Variants in ABCC11 observed in about 807,000 individuals in gnomAD.
The protein encoded by ABCC11 is ATP-binding cassette sub-family C member 11.
In ABCC11, 135 loss-of-function variants were observed where a neutral mutation model predicts 149.3. The observed-to-expected ratio is 0.90, with a 90% CI of 0.79 to 1.04. The LOEUF is 1.04. Ranked by LOEUF, ABCC11 falls within the 50% of genes least tolerant of loss-of-function variation. The pLI is 0.00. For synonymous variants in ABCC11, 665 were observed against 671.4 expected, an observed-to-expected ratio of 0.99 and a Z score of 0.15; for missense variants, 1,680 against 1,722.1, an observed-to-expected ratio of 0.98 and a Z score of 0.43.
At chr16:48,234,343 T>C (rs1164176961) in intron 1 of ABCC11, among the ~76,000 whole-genome samples, 2 of 152,248 alleles carry the variant, frequency 1.3e-5, no homozygotes, top group African/African-American at 4.8e-5. Flanking sequence ...TTGTTTTTGA[T>C]GTAATTTATT....
Position 48,187,324 on chromosome 16 carries a change from A to G in ABCC11, c.2810T>C (p.Phe937Ser), listed in dbSNP as rs922058695. 8 of 1,614,116 alleles carry G rather than the reference A, an allele frequency of 5.0e-6. No individual in the cohort carries two copies. The highest frequency in any genetic ancestry group is 5.1e-6 in the Non-Finnish European group (6 of 1,180,046). ...GGACAGGACCAGGAACTGCTCTGAAAAGATGGGCAAGAGCTGGTCCAGCTG... is the reference window on the plus strand; with the variant it reads ...GGACAGGACCAGGAACTGCTCTGAAGAGATGGGCAAGAGCTGGTCCAGCTG... ...LEQLDQLLPIFSEQFLVLSLM... is the reference protein window; with the variant it reads ...LEQLDQLLPISSEQFLVLSLM... The change falls in exon 21 of 30, where the codon TTT becomes TCT. Residue 937 changes from phenylalanine to serine, a missense_variant. By Grantham distance (155) the Phe-to-Ser change is radical. Coordinates refer to ENST00000356608, the MANE Select transcript of ABCC11 (RefSeq NM_001370497.1).
intron 3 of ABCC11, among the ~76,000 whole-genome samples, 154 bp from the exon 4 acceptor site, chr16:48,228,118 A>G (rs1263443508): frequency 6.6e-6 from 1 of 152,206 alleles, no homozygotes; most frequent in Admixed American, 6.5e-5. Context: ...ATAAACAACA[A>G]AAGTGCCCAT....
chr16:48,176,931 C>A lies in ABCC11; in HGVS notation c.3531G>T (p.Thr1177=). The change falls in exon 25 of 30, where the codon ACG becomes ACT. Residue 1177 remains threonine, a synonymous_variant. Transcript: ENST00000356608. ...CCAGGAAGCTCAGCTCACCAGAGCCCGTCCTTCCCACGATGCCCACCACTT... is the reference window on the plus strand; with the variant it reads ...CCAGGAAGCTCAGCTCACCAGAGCCAGTCCTTCCCACGATGCCCACCACTT... ...GHEVVGIVGR[T]GSGKSSLGMA... 1.9e-6 allele frequency: 3 copies of A among 1,613,432 alleles called. No individual in the cohort carries two copies. Among genetic ancestry groups the A allele is most frequent in the South Asian group, 2.2e-5 (2 of 90,992 alleles).
intron 14 of ABCC11, among the ~76,000 whole-genome samples, chr16:48,201,382 G>C (rs1226542717): frequency 6.6e-6 from 1 of 152,072 alleles, no homozygotes; most frequent in Non-Finnish European, 1.5e-5. Flanking sequence ...TCAGTCTCAA[G>C]CGATTCTCCC....
Position 48,227,918 on chromosome 16 carries a change from G to A in ABCC11, c.283C>T (p.Leu95Phe). ...PLDNAGLFSY[L>F]TVSWLTPLMI... ...AGCGGGGTGAGCCATGACACGGTGA[G>A]GTAGGAGAACAGGCCAGCATTGTCC... The change falls in exon 4 of 30, where the codon CTC becomes TTC. Residue 95 changes from leucine to phenylalanine, a missense_variant. By Grantham distance (22) the Leu-to-Phe change is conservative. Coordinates refer to ENST00000356608, the MANE Select transcript of ABCC11 (RefSeq NM_001370497.1). 6.2e-7 allele frequency: 1 copy of A among 1,614,104 alleles called. No individual in the cohort carries two copies. The highest frequency in any genetic ancestry group is 8.5e-7 in the Non-Finnish European group (1 of 1,179,988).
At position 48,203,318 on chromosome 16, in the gene ABCC11, C is replaced by A; in HGVS notation, c.1806-18G>T. The A allele has an allele frequency of 1.3e-6, 2 of 1,563,452 alleles. No homozygotes were observed. Among genetic ancestry groups the A allele is most frequent in the East Asian group, 2.3e-5 (1 of 42,626 alleles). Reference sequence around the variant, plus strand: ...GGAGGTATCTGTGAAGGACAGGGAGCCATAAGGCACAGGGGACCAGCCCTC... The same window carrying A: ...GGAGGTATCTGTGAAGGACAGGGAGACATAAGGCACAGGGGACCAGCCCTC... On this transcript the variant is annotated intron_variant, in intron 13 of 29. Coordinates refer to ENST00000356608, the MANE Select transcript of ABCC11 (RefSeq NM_001370497.1).
At chr16:48,170,060 C>A (rs369027061) in intron 28 of ABCC11, 45 bp downstream of exon 28, 1 of 1,536,600 alleles carries the variant, frequency 6.5e-7, no homozygotes, top group South Asian at 1.1e-5. Flanking sequence ...CCTCATCATG[C>A]GTAGTCTGTG....
intron 5 of ABCC11, 41 bp from the exon 6 acceptor site, chr16:48,222,872 C>T (rs546243769): frequency 6.6e-7 from 1 of 1,514,090 alleles, no homozygotes; most frequent in Admixed American, 1.7e-5. Flanking sequence ...GACCACCCTG[C>T]CAGACACGTT....
At position 48,200,440 on chromosome 16, in the gene ABCC11, G is replaced by A. The variant is rs1346621895; in HGVS notation, c.1918C>T (p.Gln640Ter). Residue 640 changes from glutamine (Q) to a stop codon, truncating the protein, a stop_gained, in exon 15 of 30, where the codon CAG (glutamine) becomes TAG (stop). Coordinates refer to ENST00000356608, the MANE Select transcript of ABCC11 (RefSeq NM_001370497.1). LOFTEE classifies it high-confidence loss of function. Reference protein sequence around the residue: ...RGLNLSGGQKQRISLARAVYS... With the variant: ...RGLNLSGGQK Reference sequence around the variant, plus strand: ...ACGGCGCGGGCCAGGCTGATCCTCTGTTTCTGCCCCCCAGAGAGGTTGAGG... The same window carrying A: ...ACGGCGCGGGCCAGGCTGATCCTCTATTTCTGCCCCCCAGAGAGGTTGAGG... 2 of 1,614,218 alleles carry A rather than the reference G, an allele frequency of 1.2e-6. No individual in the cohort carries two copies. Among genetic ancestry groups the A allele is most frequent in the South Asian group, 1.1e-5 (1 of 91,082 alleles).
At chr16:48,233,531 T>G (rs566994266) in intron 1 of ABCC11, among the ~76,000 whole-genome samples, 2 of 152,300 alleles carry the variant, frequency 1.3e-5, no homozygotes, top group Non-Finnish European at 2.9e-5. Flanking sequence ...CACACACTCT[T>G]TACAGCTCTG....
Position 48,175,141 on chromosome 16 carries a change from G to A in ABCC11, c.3698+117C>T. The A allele has an allele frequency of 1.0e-5, 14 of 1,358,840 alleles. No homozygotes were observed. The South Asian group carries it at 2.1e-4, about 20-fold the overall frequency. The allele number at this position is 1,358,840 out of a possible 1,614,324, so 84.2% of individuals were successfully genotyped here. On this transcript the variant is annotated intron_variant, in intron 26 of 29. Transcript: ENST00000356608. ...CCAGGTAGGCATGAGTGGCCCAGCA[G>A]GCCAAGGAGGCCTGGAAATCGGGGC... is the stretch of plus-strand genomic sequence containing the variant.
At chr16:48,180,421 C>T (rs1966355556) in intron 23 of ABCC11, among the ~76,000 whole-genome samples, 1 of 152,172 alleles carries the variant, frequency 6.6e-6, no homozygotes. Flanking sequence ...AAAGGTAGAA[C>T]GATCAAGGGT....
At chr16:48,194,093 C>T (rs1967172048) in intron 18 of ABCC11, 111 bp from the exon 19 acceptor site, 2 of 733,462 alleles carry the variant, frequency 2.7e-6, no homozygotes, top group Non-Finnish European at 4.6e-6. Context: ...CCTTGAGCCC[C>T]ACCCAATGTG....
chr16:48,215,388 T>G, intron 7 of ABCC11, 44 bp from the exon 8 acceptor site: 1 of 1,597,298 alleles, frequency 6.3e-7, no homozygotes, highest in Non-Finnish European at 8.6e-7. Flanking sequence ...CTGCAAGGGC[T>G]TCCTTTGACA....
At chr16:48,186,374 A>G (rs1966745199) in intron 22 of ABCC11, among the ~76,000 whole-genome samples, 1 of 152,206 alleles carries the variant, frequency 6.6e-6, no homozygotes, top group South Asian at 2.1e-4. Flanking sequence ...TATAATTACA[A>G]AAACATGTGC....
At chr16:48,204,399 C>A (rs768299880) in intron 13 of ABCC11, among the ~76,000 whole-genome samples, 1 of 151,966 alleles carries the variant, frequency 6.6e-6, no homozygotes, top group Non-Finnish European at 1.5e-5. Context: ...ACAGGCTGAA[C>A]GAACTAGAAA....
In ABCC11 at chr16:48,173,172, T is replaced by A. The variant is rs545316927; in HGVS notation, c.3698+2086A>T. ...TTCAAGGTCACGCCACAAGCCAGTATGAGAGCCAGGCTGGCATCAAGACAT... is the reference window on the plus strand; with the variant it reads ...TTCAAGGTCACGCCACAAGCCAGTAAGAGAGCCAGGCTGGCATCAAGACAT... On this transcript the variant is annotated intron_variant, in intron 26 of 29. Coordinates refer to ENST00000356608, the MANE Select transcript of ABCC11 (RefSeq NM_001370497.1). Among the ~76,000 whole-genome samples, 97 of 152,350 alleles carry A rather than the reference T, an allele frequency of 6.4e-4. 1 individual carries two copies. The highest frequency in any genetic ancestry group is 3.4e-3 in the Middle Eastern group (1 of 294).
At chr16:48,205,252 T>C (rs1459905677) in intron 13 of ABCC11, among the ~76,000 whole-genome samples, 161 bp downstream of exon 13, 1 of 151,996 alleles carries the variant, frequency 6.6e-6, no homozygotes, top group Admixed American at 6.6e-5. Context: ...ATCTGGAAAA[T>C]TGATATGATG....
intron 1 of ABCC11, among the ~76,000 whole-genome samples, chr16:48,241,957 G>A (rs1472746694): frequency 6.6e-6 from 1 of 152,142 alleles, no homozygotes; most frequent in Non-Finnish European, 1.5e-5. Context: ...AGAAAACCTA[G>A]GCAATATCAT....
Sources: gnomAD v4.1 joint callset for allele counts (sites outside exome capture counted in the v4.1 genomes callset) on GRCh38, gnomAD v4.1.1 for gene constraint, MANE v1.5 for transcripts, NCBI Gene and HGNC (gene_info 2026-07-23, HGNC 2026-07-21) for gene names.